ZMIZ1: variants seen among roughly 807,000 people sequenced by gnomAD.
ZMIZ1 encodes zinc finger MIZ domain-containing protein 1.
In ZMIZ1, 17 loss-of-function variants were observed where a neutral mutation model predicts 113.9. The observed-to-expected ratio is 0.15, with a 90% confidence interval of 0.10 to 0.22. The LOEUF (loss-of-function observed/expected upper bound fraction) is 0.22, where lower values mean the gene tolerates loss of function less well. Ranked by LOEUF, ZMIZ1 falls within the 10% of genes least tolerant of loss-of-function variation. ZMIZ1 has a pLI of 1.00. For synonymous variants in ZMIZ1, 607 were observed against 603.1 expected, an observed-to-expected ratio of 1.01 and a Z score of -0.09; for missense variants, 1,059 against 1,477.8, an observed-to-expected ratio of 0.72 and a Z score of 4.65.
intron 3 of ZMIZ1, among the ~76,000 whole-genome samples, chr10:79,148,190 C>T (rs544102047): frequency 1.4e-4 from 22 of 152,330 alleles, no homozygotes; most frequent in Admixed American, 1.2e-3. Context: ...ATGGGGCCCA[C>T]GCTCCACAAA....
intron 20 of ZMIZ1, 32 bp downstream of exon 20, chr10:79,305,263 C>T (rs199549753): frequency 2.6e-4 from 413 of 1,611,790 alleles, no homozygotes; most frequent in Non-Finnish European, 3.6e-5. Flanking sequence ...GGGGGCTTCC[C>T]CCATCCCCCA....
intron 4 of ZMIZ1, among the ~76,000 whole-genome samples, chr10:79,185,978 T>C (rs928692862): frequency 3.3e-5 from 5 of 152,084 alleles, no homozygotes; most frequent in East Asian, 1.9e-4. Flanking sequence ...CCAGGCCCGA[T>C]GACCCCAAGA....
At chr10:79,301,040 G>A in intron 17 of ZMIZ1, 98 bp downstream of exon 17, 1 of 1,499,998 alleles carries the variant, frequency 6.7e-7, no homozygotes, top group Non-Finnish European at 8.9e-7. Context: ...CCTCAGCCTT[G>A]TCCCTGCGTC....
rs745685007 is a variant in ZMIZ1, at chr10:79,298,563, C to T, written c.1649C>T (p.Ala550Val). 6 of 1,600,368 alleles carry T rather than the reference C, an allele frequency of 3.7e-6. No homozygotes were observed. Among genetic ancestry groups the T allele is most frequent in the Non-Finnish European group, 5.1e-6 (6 of 1,174,710 alleles). ...CCTGACATCAAGCCAAATATGAGCG[C>T]TCTGCCACCACCCCCAGGTGAGGGC... is the stretch of plus-strand genomic sequence containing the variant. Reference protein sequence around the residue: ...FPPDIKPNMSALPPPPANHND... With the variant: ...FPPDIKPNMSVLPPPPANHND... The change falls in exon 15 of 25, where the codon GCT becomes GTT. Residue 550 changes from alanine to valine, a missense_variant. By Grantham distance (64) the Ala-to-Val change is moderately conservative. Coordinates refer to ENST00000334512, the MANE Select transcript of ZMIZ1 (RefSeq NM_020338.4).
At chr10:79,221,445 C>T (rs948089948) in intron 7 of ZMIZ1, among the ~76,000 whole-genome samples, 1 of 152,238 alleles carries the variant, frequency 6.6e-6, no homozygotes, top group African/African-American at 2.4e-5. Context: ...GGATCCTCCT[C>T]CTCACCAGGC....
At chr10:79,079,949 G>T (rs1003739716) in intron 1 of ZMIZ1, among the ~76,000 whole-genome samples, 12 of 152,228 alleles carry the variant, frequency 7.9e-5, no homozygotes, top group Admixed American at 3.9e-4. Flanking sequence ...GGGACCACTG[G>T]CACTTATATT....
At chr10:79,305,338 A>T in intron 20 of ZMIZ1, 107 bp downstream of exon 20, 1 of 1,369,544 alleles carries the variant, frequency 7.3e-7, no homozygotes, top group Non-Finnish European at 1.0e-6. Context: ...CCAGAACCCA[A>T]ACATGGCAGA....
chr10:79,243,531 G>A (rs1849989891), intron 7 of ZMIZ1: 1 of 146,908 alleles, frequency 6.8e-6, no homozygotes, highest in African/African-American at 2.4e-5. Flanking sequence ...GCAGCGCGGA[G>A]CGAGCGGGCG....
intron 2 of ZMIZ1, among the ~76,000 whole-genome samples, chr10:79,122,024 G>A (rs1844312179): frequency 6.6e-6 from 1 of 152,136 alleles, no homozygotes; most frequent in Non-Finnish European, 1.5e-5. Context: ...AATTACAAAG[G>A]ATTTCAAGAT....
chr10:79,257,109 A>C (rs1425923650), intron 7 of ZMIZ1, among the ~76,000 whole-genome samples: 1 of 152,184 alleles, frequency 6.6e-6, no homozygotes, highest in African/African-American at 2.4e-5. Context: ...AGCAAGCCCG[A>C]GTGAGCACAT....
intron 7 of ZMIZ1, among the ~76,000 whole-genome samples, chr10:79,239,423 C>G (rs554803990): frequency 6.6e-6 from 1 of 152,214 alleles, no homozygotes; most frequent in South Asian, 2.1e-4. Flanking sequence ...GTCACTCTCA[C>G]GTGGACACGT....
At chr10:79,090,314 T>C (rs1409589761) in intron 1 of ZMIZ1, among the ~76,000 whole-genome samples, 1 of 151,482 alleles carries the variant, frequency 6.6e-6, no homozygotes, top group Non-Finnish European at 1.5e-5. Context: ...ACTTGGAGGG[T>C]TTTTTTTCTC....
At position 79,077,121 on chromosome 10, in the gene ZMIZ1, C is replaced by T. The variant is rs564517367; in HGVS notation, c.-337+7851C>T. Reference sequence around the variant, plus strand: ...ACCTTTGTCAGCCTAGGTGAGAGCACACTAGGAAGAGCCAGCTAGGCTCAG... The same window carrying T: ...ACCTTTGTCAGCCTAGGTGAGAGCATACTAGGAAGAGCCAGCTAGGCTCAG... On this transcript the variant is annotated intron_variant, in intron 1 of 24. Coordinates refer to ENST00000334512, the MANE Select transcript of ZMIZ1 (RefSeq NM_020338.4). 3.3e-5 allele frequency among the ~76,000 whole-genome samples: 5 copies of T among 152,248 alleles called. No individual in the cohort carries two copies. The South Asian group carries it at 1.0e-3, about 32-fold the overall frequency.
rs765411461 is a variant in ZMIZ1, at chr10:79,300,822, C to T, written c.1899C>T (p.Asn633=). ...NWPASVQVSV[N]ATPLTIERGD... ...CCGCCTCGGTGCAGGTCAGCGTGAA[C>T]GCCACGCCCCTCACCATTGAGCGCG... The change falls in exon 17 of 25, where the codon AAC becomes AAT. Residue 633 remains asparagine, a synonymous_variant. Transcript: ENST00000334512. The T allele has an allele frequency of 7.1e-5, 115 of 1,613,758 alleles. 3 individuals carry two copies. In the South Asian group the frequency reaches 1.1e-3, roughly 15 times the overall value.
chr10:79,246,967 G>A (rs146147567), intron 7 of ZMIZ1, among the ~76,000 whole-genome samples: 44 of 152,360 alleles, frequency 2.9e-4, no homozygotes, highest in African/African-American at 1.0e-3. Flanking sequence ...GTGGGAACGT[G>A]TGGTTTATGA....
chr10:79,204,420 G>A lies in ZMIZ1; in HGVS notation c.60+2728G>A, dbSNP rs570914267. On this transcript the variant is annotated intron_variant, in intron 5 of 24. Transcript: ENST00000334512. ...GCCACATCCCAGCTCTACATGGAGA[G>A]CCCTGCAAATCAGCTCATTCCTGCT... 2.0e-4 allele frequency among the ~76,000 whole-genome samples: 31 copies of A among 152,342 alleles called. No individual in the cohort carries two copies. The South Asian group carries it at 6.4e-3, about 32-fold the overall frequency.
intron 7 of ZMIZ1, among the ~76,000 whole-genome samples, chr10:79,235,988 T>C (rs1280669644): frequency 2.6e-5 from 4 of 152,208 alleles, no homozygotes; most frequent in Non-Finnish European, 5.9e-5. Flanking sequence ...CTCAGTTTCC[T>C]CATTTGAAGA....
intron 1 of ZMIZ1, among the ~76,000 whole-genome samples, chr10:79,104,804 G>C (rs1030214020): frequency 2.6e-5 from 4 of 152,232 alleles, no homozygotes; most frequent in African/African-American, 9.6e-5. Flanking sequence ...ACTGCTAGTA[G>C]GAGGTGCACT....
intron 24 of ZMIZ1, among the ~76,000 whole-genome samples, chr10:79,312,258 A>T (rs1377621421): frequency 6.6e-6 from 1 of 152,206 alleles, no homozygotes; most frequent in African/African-American, 2.4e-5. Flanking sequence ...CCGCCTTCCC[A>T]CCAGCCCACC....
Sources: gnomAD v4.1 joint callset for allele counts (sites outside exome capture counted in the v4.1 genomes callset) on GRCh38, gnomAD v4.1.1 for gene constraint, MANE v1.5 for transcripts, NCBI Gene and HGNC (gene_info 2026-07-23, HGNC 2026-07-21) for gene names.